Variants in CNTNAP5 observed in about 807,000 individuals in gnomAD.
CNTNAP5 encodes contactin associated protein family member 5.
In CNTNAP5, 72 loss-of-function variants were observed where a neutral mutation model predicts 150.2. The ratio of observed to expected loss-of-function variants is 0.48; its 90% CI spans 0.40 to 0.58. CNTNAP5 has a LOEUF of 0.58. Ranked by LOEUF, CNTNAP5 falls within the 20% of genes least tolerant of loss-of-function variation. The pLI is 0.00. For synonymous variants in CNTNAP5, 672 were observed against 619.8 expected, an observed-to-expected ratio of 1.08 and a Z score of -1.25; for missense variants, 1,636 against 1,626.2, an observed-to-expected ratio of 1.01 and a Z score of -0.10.
intron 19 of CNTNAP5, among the ~76,000 whole-genome samples, chr2:124,806,547 C>T (rs1210139815): frequency 6.6e-6 from 1 of 151,792 alleles, no homozygotes; most frequent in Non-Finnish European, 1.5e-5. Context: ...GGTCTTCTCA[C>T]TTTGTACTTT....
chr2:124,563,477 TG>T (rs913850737), intron 11 of CNTNAP5, among the ~76,000 whole-genome samples, 154 bp downstream of exon 11: 2 of 152,334 alleles, frequency 1.3e-5, no homozygotes, highest in Admixed American at 1.3e-4. Context: ...AACACTTTGT[TG>T]GGCTCAGAGG....
At chr2:124,790,351 C>A (rs1379874081) in intron 18 of CNTNAP5, among the ~76,000 whole-genome samples, 1 of 152,150 alleles carries the variant, frequency 6.6e-6, no homozygotes, top group Non-Finnish European at 1.5e-5. Context: ...TGGATAATTA[C>A]AGGAAAACAC....
At chr2:124,786,679 G>A (rs72847360) in intron 17 of CNTNAP5, among the ~76,000 whole-genome samples, 18,582 of 152,040 alleles carry the variant, frequency 0.12, 1,323 homozygotes, top group Non-Finnish European at 0.16. Context: ...GGGAGAGGGA[G>A]AGAAAATCCA....
chr2:124,797,571 T>C (rs1238881501), intron 18 of CNTNAP5, among the ~76,000 whole-genome samples: 1 of 152,212 alleles, frequency 6.6e-6, no homozygotes, highest in Non-Finnish European at 1.5e-5. Context: ...TTGTTCTTCA[T>C]GATTTACCAA....
chr2:124,472,200 G>A (rs1024241354), intron 6 of CNTNAP5, among the ~76,000 whole-genome samples: 1 of 152,002 alleles, frequency 6.6e-6, no homozygotes. Flanking sequence ...ATATAATTCA[G>A]CTCATCAGTA....
Position 124,902,964 on chromosome 2 carries a change from C to G in CNTNAP5, c.3519C>G (p.His1173Gln). The G allele has an allele frequency of 6.2e-7, 1 of 1,613,158 alleles. No individual in the cohort carries two copies. Among genetic ancestry groups the G allele is most frequent in the Non-Finnish European group, 8.5e-7 (1 of 1,179,478 alleles). ...GCATGTCTTCCGTCCAGTACAACCACATAGCACCACTGAAGGCTGCCCTGC... is the reference window on the plus strand; with the variant it reads ...GCATGTCTTCCGTCCAGTACAACCAGATAGCACCACTGAAGGCTGCCCTGC... ...AGCMSSVQYN[H>Q]IAPLKAALRH... The change falls in exon 22 of 24, where the codon CAC (histidine) becomes CAG (glutamine). Residue 1173 changes from histidine to glutamine, a missense_variant. Transcript: ENST00000682447.
At chr2:124,708,256 T>C (rs1679736067) in intron 13 of CNTNAP5, among the ~76,000 whole-genome samples, 1 of 152,180 alleles carries the variant, frequency 6.6e-6, no homozygotes, top group African/African-American at 2.4e-5. Context: ...ACAGGCAAAA[T>C]GAAGGCACCT....
At chr2:124,570,022 T>C (rs1181542985) in intron 11 of CNTNAP5, among the ~76,000 whole-genome samples, 1 of 152,150 alleles carries the variant, frequency 6.6e-6, no homozygotes, top group Admixed American at 6.5e-5. Flanking sequence ...TAGGCTATTA[T>C]AGAAATGGTG....
At chr2:124,499,351 C>T in intron 7 of CNTNAP5, among the ~76,000 whole-genome samples, 1 of 152,166 alleles carries the variant, frequency 6.6e-6, no homozygotes, top group South Asian at 2.1e-4. Context: ...GCACACACGA[C>T]TGTAAGCCCA....
chr2:124,744,809 C>T (rs1359146723), intron 13 of CNTNAP5, among the ~76,000 whole-genome samples: 11 of 152,086 alleles, frequency 7.2e-5, no homozygotes, highest in African/African-American at 2.7e-4. Flanking sequence ...CGAGTCAAAC[C>T]CCTGTTTGAT....
intron 3 of CNTNAP5, among the ~76,000 whole-genome samples, chr2:124,291,017 A>G (rs943809825): frequency 6.6e-6 from 1 of 152,088 alleles, no homozygotes; most frequent in East Asian, 1.9e-4. Flanking sequence ...ACAGAGTGAG[A>G]TCCTCATGGG....
At chr2:124,264,844 T>C (rs1687564364) in intron 3 of CNTNAP5, among the ~76,000 whole-genome samples, 1 of 152,240 alleles carries the variant, frequency 6.6e-6, no homozygotes, top group Non-Finnish European at 1.5e-5. Context: ...CTACTATGCG[T>C]GTCTACTTGT....
Position 124,914,162 on chromosome 2 carries a change from C to A in CNTNAP5, c.3798C>A (p.His1266Gln). Reference protein sequence around the residue: ...IGIMTRFLYQHKQSHRTSQMK... With the variant: ...IGIMTRFLYQQKQSHRTSQMK... The stretch of plus-strand genomic sequence containing the variant: ...TCATGACCCGGTTCCTCTACCAGCA[C>A]AAGCAGTCACATCGTACGAGCCAGA... The change falls in exon 24 of 24, where the codon CAC becomes CAA. Residue 1266 changes from histidine to glutamine, a missense_variant. Transcript: ENST00000682447. 6.2e-7 allele frequency: 1 copy of A among 1,612,504 alleles called. No homozygotes were observed. The highest frequency in any genetic ancestry group is 8.5e-7 in the Non-Finnish European group (1 of 1,178,940).
At chr2:124,452,434 C>A (rs1693007385) in intron 6 of CNTNAP5, among the ~76,000 whole-genome samples, 1 of 152,120 alleles carries the variant, frequency 6.6e-6, no homozygotes, top group South Asian at 2.1e-4. Flanking sequence ...GCCCTTCCCC[C>A]ACCTAATGGT....
At chr2:124,278,613 A>G (rs1687943762) in intron 3 of CNTNAP5, among the ~76,000 whole-genome samples, 1 of 152,182 alleles carries the variant, frequency 6.6e-6, no homozygotes, top group African/African-American at 2.4e-5. Flanking sequence ...CAAGAGCTTA[A>G]GATGATGTGG....
At chr2:124,808,708 G>C (rs1451082741) in intron 19 of CNTNAP5, among the ~76,000 whole-genome samples, 1 of 152,104 alleles carries the variant, frequency 6.6e-6, no homozygotes, top group African/African-American at 2.4e-5. Flanking sequence ...AACTCACTGT[G>C]GGAAATTGGA....
At chr2:124,116,700 T>C (rs971543724) in intron 1 of CNTNAP5, among the ~76,000 whole-genome samples, 7 of 152,190 alleles carry the variant, frequency 4.6e-5, no homozygotes, top group African/African-American at 1.7e-4. Flanking sequence ...TATTGAAAAT[T>C]TTGTATTTGT....
intron 1 of CNTNAP5, among the ~76,000 whole-genome samples, chr2:124,032,891 A>AGTCTGTAAATTATGCTGGTTTTT (rs1204879530): frequency 6.6e-6 from 1 of 152,154 alleles, no homozygotes; most frequent in African/African-American, 2.4e-5. Flanking sequence ...TGCATCTTCT[A>AGTCTGTAAATTATGCTGGTTTTT]GTCTGTAAAT....
intron 1 of CNTNAP5, among the ~76,000 whole-genome samples, chr2:124,169,531 G>A (rs1684884201): frequency 6.6e-6 from 1 of 152,120 alleles, no homozygotes; most frequent in Admixed American, 6.6e-5. Context: ...AACTTTCAAG[G>A]AATGCTGGAC....
Sources: gnomAD v4.1 joint callset for allele counts (sites outside exome capture counted in the v4.1 genomes callset) on GRCh38, gnomAD v4.1.1 for gene constraint, MANE v1.5 for transcripts, NCBI Gene and HGNC (gene_info 2026-07-23, HGNC 2026-07-21) for gene names.